Variants in ANKRD36 observed in about 807,000 individuals in gnomAD.
The protein encoded by ANKRD36 is ankyrin repeat domain 36.
In ANKRD36, 179 loss-of-function variants were observed where a neutral mutation model predicts 278.1. That is an observed-to-expected ratio of 0.64 (90% CI 0.57 to 0.73). ANKRD36 has a LOEUF of 0.73. Among genes scored for constraint, ANKRD36 ranks in the 30% least tolerant of loss-of-function variants. ANKRD36 has a pLI of 0.00. For missense variants in ANKRD36, 1,159 were observed against 1,956.7 expected (o/e 0.59, Z 7.69); for synonymous variants, 320 against 641.1 (o/e 0.50, Z 7.57).
In ANKRD36 at chr2:97,194,826, T is replaced by G; in HGVS notation, c.2479-19T>G. The G allele has an allele frequency of 6.3e-7, 1 of 1,598,540 alleles. No individual in the cohort carries two copies. Among genetic ancestry groups the G allele is most frequent in the Non-Finnish European group, 8.5e-7 (1 of 1,176,704 alleles). ...ATGAAACATACCTTATTTATTATTTTGTTTCAAATTCCACTCAGGCTACAA... is the reference window on the plus strand; with the variant it reads ...ATGAAACATACCTTATTTATTATTTGGTTTCAAATTCCACTCAGGCTACAA... On this transcript the variant is annotated intron_variant, in intron 39 of 75. Coordinates refer to ENST00000420699, the MANE Select transcript of ANKRD36 (RefSeq NM_001354587.1).
intron 12 of ANKRD36, among the ~76,000 whole-genome samples, chr2:97,150,886 CTTTCCCCCTCT>C (rs2045773555): frequency 1.4e-5 from 1 of 70,954 alleles, no homozygotes; most frequent in Non-Finnish European, 2.9e-5. Context: ...TTTTTTTTTT[CTTTCCCCCTCT>C]CTCTCTCTGT....
intron 66 of ANKRD36, among the ~76,000 whole-genome samples, chr2:97,222,060 C>G (rs1576288921): frequency 6.6e-6 from 1 of 151,750 alleles, no homozygotes; most frequent in South Asian, 2.1e-4. Context: ...GCTTGTTTTT[C>G]TCAGGTTTGT....
chr2:97,139,970 A>G (rs1165854454), intron 6 of ANKRD36, among the ~76,000 whole-genome samples: 1 of 151,918 alleles, frequency 6.6e-6, no homozygotes. Context: ...CCCTTGAAGA[A>G]AAAACACCCT....
At chr2:97,123,589 A>C (rs1169469317) in intron 4 of ANKRD36, among the ~76,000 whole-genome samples, 1 of 76,298 alleles carries the variant, frequency 1.3e-5, no homozygotes, top group African/African-American at 3.1e-5. Context: ...TATATCCTTC[A>C]AGGGTGGTTG....
chr2:97,200,981 G>C (rs564934802), intron 46 of ANKRD36, among the ~76,000 whole-genome samples: 114 of 151,946 alleles, frequency 7.5e-4, no homozygotes, highest in African/African-American at 2.6e-3. Flanking sequence ...AATGAAGACG[G>C]ATTGTGAGGC....
chr2:97,202,135 G>C lies in ANKRD36; in HGVS notation c.2858-67G>C, dbSNP rs1403346531. ...GAGGACAGAGGTTGATTCTAACAGT[G>C]CTCGAATGTATGGAAATCTTTGTCA... On this transcript the variant is annotated intron_variant, in intron 46 of 75. Transcript: ENST00000420699. 30 of 1,598,990 alleles carry C rather than the reference G, an allele frequency of 1.9e-5. No individual in the cohort carries two copies. In the East Asian group the frequency reaches 5.9e-4, roughly 31 times the overall value.
At chr2:97,138,342 T>C (rs2042050817) in intron 6 of ANKRD36, among the ~76,000 whole-genome samples, 1 of 152,004 alleles carries the variant, frequency 6.6e-6, no homozygotes, top group Non-Finnish European at 1.5e-5. Context: ...ACACAATTGC[T>C]ACAAAGAGAA....
intron 10 of ANKRD36, among the ~76,000 whole-genome samples, chr2:97,145,397 T>C (rs1375727099): frequency 2.0e-5 from 3 of 152,018 alleles, no homozygotes; most frequent in Non-Finnish European, 2.9e-5. Flanking sequence ...ATCAGAGATA[T>C]ATGTTTTGTT....
Position 97,199,324 on chromosome 2 carries a change from G to T in ANKRD36, c.2755+666G>T, listed in dbSNP as rs375904036. On this transcript the variant is annotated intron_variant, in intron 44 of 75. Transcript: ENST00000420699. ...GACCCCTTACTCTTCTTGTTACTAG[G>T]AGGCCTCAGAGATACATGTTTTGTT... is the stretch of plus-strand genomic sequence containing the variant. Among the ~76,000 whole-genome samples, 72 of 152,014 alleles carry T rather than the reference G, an allele frequency of 4.7e-4. 1 individual carries two copies. The South Asian group carries it at 0.011, about 24-fold the overall frequency.
chr2:97,179,707 T>C, intron 22 of ANKRD36, 31 bp from the exon 23 acceptor site: 2 of 1,592,436 alleles, frequency 1.3e-6, no homozygotes, highest in Non-Finnish European at 8.5e-7. Context: ...TATTTACATA[T>C]GATTGATTAT....
intron 75 of ANKRD36, among the ~76,000 whole-genome samples, chr2:97,250,560 A>G (rs1473153705): frequency 8.4e-6 from 1 of 119,092 alleles, no homozygotes; most frequent in Non-Finnish European, 1.5e-5. Context: ...CTCATGTGAT[A>G]ATAATTAGTT....
intron 32 of ANKRD36, among the ~76,000 whole-genome samples, chr2:97,188,004 A>C (rs1373030942): frequency 6.6e-6 from 1 of 151,784 alleles, no homozygotes; most frequent in Non-Finnish European, 1.5e-5. Flanking sequence ...TGGCAGCTCC[A>C]GGAATTACTG....
chr2:97,183,932 T>G (rs7588752), intron 28 of ANKRD36, among the ~76,000 whole-genome samples: 127,311 of 151,230 alleles, frequency 0.84, 55,039 homozygotes, highest in Non-Finnish European at 0.89. Context: ...GCATAATTTT[T>G]CTCTTATTTC....
chr2:97,201,538 G>A (rs1473836380), intron 46 of ANKRD36, among the ~76,000 whole-genome samples: 2 of 151,900 alleles, frequency 1.3e-5, no homozygotes, highest in Non-Finnish European at 2.9e-5. Flanking sequence ...ATTATCCTTT[G>A]GTGCCATGAG....
At chr2:97,219,299 G>T in intron 66 of ANKRD36, 53 bp downstream of exon 66, 1 of 1,434,744 alleles carries the variant, frequency 7.0e-7, no homozygotes, top group South Asian at 1.4e-5. Context: ...TAATCTGTTT[G>T]TAATGCTCAT....
intron 50 of ANKRD36, among the ~76,000 whole-genome samples, 155 bp from the exon 51 acceptor site, chr2:97,205,785 G>A (rs538121974): frequency 6.6e-6 from 1 of 151,402 alleles, no homozygotes; most frequent in African/African-American, 2.4e-5. Context: ...CAGTGTATTT[G>A]TGTCATTTTC....
intron 54 of ANKRD36, among the ~76,000 whole-genome samples, chr2:97,208,212 A>T (rs1322597660): frequency 6.8e-6 from 1 of 146,626 alleles, no homozygotes; most frequent in Non-Finnish European, 1.5e-5. Flanking sequence ...ACTTCCCCAC[A>T]TTGAAATTGG....
At chr2:97,210,018 T>A in intron 56 of ANKRD36, 146 bp downstream of exon 56, 1 of 1,334,134 alleles carries the variant, frequency 7.5e-7, no homozygotes. Flanking sequence ...AGTTCTTGTG[T>A]GGTGCTGATG....
chr2:97,124,991 G>A (rs1258673601), intron 5 of ANKRD36, among the ~76,000 whole-genome samples: 2 of 151,812 alleles, frequency 1.3e-5, no homozygotes, highest in Non-Finnish European at 2.9e-5. Context: ...CTTGAGCTGT[G>A]TACTGGGGAC....
Sources: gnomAD v4.1 joint callset for allele counts (sites outside exome capture counted in the v4.1 genomes callset) on GRCh38, gnomAD v4.1.1 for gene constraint, MANE v1.5 for transcripts, NCBI Gene and HGNC (gene_info 2026-07-23, HGNC 2026-07-21) for gene names.